BRD8: variants seen among roughly 807,000 people sequenced by gnomAD.
BRD8 encodes the protein bromodomain containing 8.
Under a neutral mutation model 143.1 loss-of-function variants are expected in BRD8, and 67 were observed. The ratio of observed to expected loss-of-function variants is 0.47; its 90% CI spans 0.38 to 0.57. The LOEUF is 0.57. Among genes scored for constraint, BRD8 ranks in the 20% least tolerant of loss-of-function variants. BRD8 has a pLI of 0.00. For missense variants in BRD8, 1,103 were observed against 1,503.0 expected (o/e 0.73, Z 4.40); for synonymous variants, 505 against 517.1 (o/e 0.98, Z 0.32).
rs777182860 is a variant in BRD8, at chr5:138,170,421, A to G, written c.441-12T>C. The G allele has an allele frequency of 6.2e-7, 1 of 1,613,918 alleles. No individual in the cohort carries two copies. The highest frequency in any genetic ancestry group is 1.1e-5 in the South Asian group (1 of 91,078). ...CCAATTTCTTTTTCCTAAACAGGGA[A>G]TTAAGGGTTAGATGCTAGACAGCTC... On this transcript the variant is annotated splice_polypyrimidine_tract_variant and intron_variant, in intron 6 of 26. Transcript: ENST00000254900.
chr5:138,155,261 A>G (rs1752536034), intron 20 of BRD8, among the ~76,000 whole-genome samples: 1 of 151,692 alleles, frequency 6.6e-6, no homozygotes, highest in Admixed American at 6.6e-5. Context: ...AGCCTGACCA[A>G]CATGGAGAAA....
At chr5:138,146,070 T>G (rs1301904366) in intron 23 of BRD8, among the ~76,000 whole-genome samples, 192 bp from the exon 24 acceptor site, 1 of 152,242 alleles carries the variant, frequency 6.6e-6, no homozygotes, top group East Asian at 1.9e-4. Context: ...TTAATTTTAT[T>G]TTTCTGAGAC....
chr5:138,170,976 C>T, intron 5 of BRD8, 62 bp downstream of exon 5: 1 of 1,612,728 alleles, frequency 6.2e-7, no homozygotes, highest in African/African-American at 1.3e-5. Flanking sequence ...AAGTTCTGAC[C>T]AGTACCAGAA....
At chr5:138,175,335 T>C (rs1303479100) in intron 2 of BRD8, among the ~76,000 whole-genome samples, 3 of 152,014 alleles carry the variant, frequency 2.0e-5, no homozygotes, top group Non-Finnish European at 4.4e-5. Context: ...AAGTACTGAA[T>C]TGTTTATAAA....
At chr5:138,165,705 G>A (rs1340533418) in intron 11 of BRD8, 123 bp downstream of exon 11, 26 of 1,114,568 alleles carry the variant, frequency 2.3e-5, no homozygotes, top group Non-Finnish European at 3.1e-5. Context: ...CAGCCTGGAT[G>A]AAAGAGCAAG....
intron 19 of BRD8, 32 bp downstream of exon 19, chr5:138,160,036 AC>A (rs779703724): frequency 6.5e-7 from 1 of 1,532,238 alleles, no homozygotes; most frequent in Non-Finnish European, 9.0e-7. Flanking sequence ...CTACTGGAAC[AC>A]TGGCACACAG....
At chr5:138,172,219 C>G (rs930457601) in intron 2 of BRD8, 85 bp from the exon 3 acceptor site, 60 of 1,154,174 alleles carry the variant, frequency 5.2e-5, no homozygotes, top group Non-Finnish European at 5.4e-5. Flanking sequence ...GGAGTTCAAA[C>G]TTTGGAATAA....
chr5:138,170,253 C>A lies in BRD8; in HGVS notation c.505+92G>T, dbSNP rs1753756241. ...GAGAAAACTGCAAGTAAATTTAAAT[C>A]AATGTATTCTATGTTACAAAACAGT... On this transcript the variant is annotated intron_variant, in intron 7 of 26. Coordinates refer to ENST00000254900, the MANE Select transcript of BRD8 (RefSeq NM_139199.2). The A allele has an allele frequency of 5.5e-6, 5 of 910,372 alleles. 1 individual carries two copies. In the South Asian group the frequency reaches 6.9e-5, roughly 13 times the overall value. 56.4% of individuals were successfully genotyped at this position (910,372 alleles called of 1,614,324 possible).
intron 7 of BRD8, among the ~76,000 whole-genome samples, chr5:138,170,001 C>A (rs955585288): frequency 4.6e-5 from 7 of 152,184 alleles, no homozygotes; most frequent in Admixed American, 3.9e-4. Flanking sequence ...ACCTCACTGG[C>A]GCACAGCATG....
intron 17 of BRD8, among the ~76,000 whole-genome samples, 178 bp downstream of exon 17, chr5:138,161,618 T>C (rs1753006278): frequency 6.6e-6 from 1 of 152,244 alleles, no homozygotes; most frequent in Non-Finnish European, 1.5e-5. Context: ...TGGAGATTTA[T>C]TCTTTTAGAC....
chr5:138,160,782 C>G, intron 18 of BRD8, 109 bp downstream of exon 18: 1 of 948,076 alleles, frequency 1.1e-6, no homozygotes, highest in Non-Finnish European at 1.5e-6. Context: ...GTGTCCCTGA[C>G]AGCTATCCAC....
intron 17 of BRD8, 21 bp downstream of exon 17, chr5:138,161,775 G>A: frequency 6.2e-7 from 1 of 1,606,480 alleles, no homozygotes; most frequent in South Asian, 1.1e-5. Flanking sequence ...AAGTTACCAT[G>A]CTGGGTGGAC....
chr5:138,172,089 G>A lies in BRD8; in HGVS notation c.162C>T (p.Arg54=). Residue 54 remains arginine, a synonymous_variant, in exon 3 of 27, where the codon CGC becomes CGT. Coordinates refer to ENST00000254900, the MANE Select transcript of BRD8 (RefSeq NM_139199.2). ...CTTTTTGAGAGAACCAGTCTGGAGG[G>A]CGGCCAGGTTCTGCAAAGGGCTTGA... ...RAIKPFAEPG[R]PPDWFSQKHC... The A allele has an allele frequency of 6.2e-7, 1 of 1,613,606 alleles. No homozygotes were observed. The highest frequency in any genetic ancestry group is 8.5e-7 in the Non-Finnish European group (1 of 1,179,892).
chr5:138,145,628 G>A (rs1281930251), intron 24 of BRD8, among the ~76,000 whole-genome samples, 161 bp downstream of exon 24: 1 of 152,226 alleles, frequency 6.6e-6, no homozygotes, highest in Non-Finnish European at 1.5e-5. Context: ...ACTTGTGAAA[G>A]CAGCTGTGGG....
intron 2 of BRD8, among the ~76,000 whole-genome samples, chr5:138,174,577 C>G (rs901928206): frequency 6.8e-6 from 1 of 146,800 alleles, no homozygotes; most frequent in African/African-American, 2.5e-5. Context: ...GCCTGCGCAA[C>G]AGAGACTCCA....
At chr5:138,156,947 G>T in intron 20 of BRD8, 2 of 1,239,522 alleles carry the variant, frequency 1.6e-6, no homozygotes, top group Non-Finnish European at 1.0e-6. Context: ...TTTTTAAAAA[G>T]TCTGTACAAT....
intron 21 of BRD8, among the ~76,000 whole-genome samples, chr5:138,151,848 TAA>T (rs1752383501): frequency 6.6e-6 from 1 of 150,604 alleles, no homozygotes; most frequent in Non-Finnish European, 1.5e-5. Flanking sequence ...ATTTTAATTT[TAA>T]TTTTAATTAA....
At position 138,171,396 on chromosome 5, in the gene BRD8, C is replaced by T. The variant is rs1197735040; in HGVS notation, c.201G>A (p.Gln67=). 1 of 1,574,464 alleles carries T rather than the reference C, an allele frequency of 6.4e-7. No homozygotes were observed. The highest frequency in any genetic ancestry group is 8.6e-7 in the Non-Finnish European group (1 of 1,164,520). ...DWFSQKHCAS[Q]YSELLETTET... is the part of the protein sequence containing the mutation. ...CAGTGGTCTCTAAAAGCTCCGAGTACTGGGAAGCACAATGCTATTAAAAAA... is the reference window on the plus strand; with the variant it reads ...CAGTGGTCTCTAAAAGCTCCGAGTATTGGGAAGCACAATGCTATTAAAAAA... Residue 67 remains glutamine (Q), a synonymous_variant, in exon 4 of 27, where the codon CAG becomes CAA. Transcript: ENST00000254900.
chr5:138,166,243 T>C (rs1187770832), intron 10 of BRD8, 135 bp from the exon 11 acceptor site: 1 of 695,232 alleles, frequency 1.4e-6, no homozygotes, highest in Admixed American at 2.6e-5. Context: ...AACATGTGCC[T>C]ATGTTTTCTT....
Sources: allele counts gnomAD v4.1 joint callset (sites outside exome capture counted in the v4.1 genomes callset), GRCh38; gene constraint gnomAD v4.1.1; transcripts MANE v1.5; gene names NCBI Gene and HGNC (gene_info 2026-07-23, HGNC 2026-07-21).